The following WDHD1 variants were observed in gnomAD, a reference collection of about 807,000 sequenced individuals.
WDHD1 encodes WD repeat and HMG-box DNA binding protein 1, also known as WD repeat and HMG-box DNA-binding protein 1.
Under a neutral mutation model 135.4 loss-of-function variants are expected in WDHD1, and 111 were observed. That is an observed-to-expected ratio of 0.82 (90% CI 0.70 to 0.96). The LOEUF is 0.96. WDHD1 is among the 40% of genes least tolerant of loss of function. The pLI, the probability that WDHD1 is intolerant of heterozygous loss-of-function variation, is 0.00. For synonymous variants in WDHD1, 434 were observed against 439.0 expected (o/e 0.99, Z 0.14); for missense variants, 1,351 against 1,336.3 (o/e 1.01, Z -0.17).
chr14:55,013,677 G>A, intron 2 of WDHD1, 81 bp from the exon 3 acceptor site: 3 of 1,068,244 alleles, frequency 2.8e-6, no homozygotes, highest in South Asian at 2.5e-5. Context: ...AGTACAAGGT[G>A]GGAGGATTGC....
At position 54,981,632 on chromosome 14, in the gene WDHD1, C is replaced by T. The variant is rs923974610; in HGVS notation, c.1971G>A (p.Thr657=). 8 of 1,611,418 alleles carry T rather than the reference C, an allele frequency of 5.0e-6. No individual in the cohort carries two copies. Among genetic ancestry groups the T allele is most frequent in the Middle Eastern group, 1.7e-4 (1 of 6,056 alleles). Reference sequence around the variant, plus strand: ...CTCTTGTATTACATATAGGAGTCCACGTATTACCAAGTCCTCTGTTAAGCA... The same window carrying T: ...CTCTTGTATTACATATAGGAGTCCATGTATTACCAAGTCCTCTGTTAAGCA... ...VRMLNRGLGN[T]WTPICNTREH... is the part of the protein sequence containing the mutation. The change falls in exon 16 of 26, where the codon ACG becomes ACA. Residue 657 remains threonine, a synonymous_variant. Coordinates refer to ENST00000360586, the MANE Select transcript of WDHD1 (RefSeq NM_007086.4).
At chr14:54,969,804 A>G (rs1265710393) in intron 16 of WDHD1, among the ~76,000 whole-genome samples, 1 of 152,198 alleles carries the variant, frequency 6.6e-6, no homozygotes, top group African/African-American at 2.4e-5. Context: ...ATCCTCAACA[A>G]AACACTAGCA....
intron 23 of WDHD1, among the ~76,000 whole-genome samples, chr14:54,956,744 AAC>A (rs2041165326): frequency 1.3e-5 from 2 of 152,172 alleles, no homozygotes; most frequent in African/African-American, 4.8e-5. Flanking sequence ...TGAAACAAAA[AAC>A]ACAACTGTTT....
At chr14:54,991,112 A>T in intron 12 of WDHD1, 101 bp downstream of exon 12, 2 of 627,938 alleles carry the variant, frequency 3.2e-6, no homozygotes, top group African/African-American at 1.8e-5. Context: ...AGGCTACTTA[A>T]TCAAAGTTTT....
At chr14:54,967,919 C>T (rs1168174068) in intron 16 of WDHD1, among the ~76,000 whole-genome samples, 1 of 152,150 alleles carries the variant, frequency 6.6e-6, no homozygotes, top group African/African-American at 2.4e-5. Context: ...CCCTGCCCAA[C>T]CTCACATCTC....
chr14:55,022,047 G>A (rs532250022), intron 2 of WDHD1, among the ~76,000 whole-genome samples: 62 of 152,226 alleles, frequency 4.1e-4, no homozygotes, highest in Admixed American at 3.1e-3. Flanking sequence ...GGTTGAATTC[G>A]AGACATTGTG....
chr14:54,966,834 A>C (rs2041354177), intron 17 of WDHD1, among the ~76,000 whole-genome samples: 1 of 152,232 alleles, frequency 6.6e-6, no homozygotes, highest in Non-Finnish European at 1.5e-5. Flanking sequence ...ACAGTTTCCT[A>C]GCTATCATAA....
intron 21 of WDHD1, among the ~76,000 whole-genome samples, chr14:54,958,149 A>G (rs2041191629): frequency 6.7e-6 from 1 of 149,176 alleles, no homozygotes; most frequent in Non-Finnish European, 1.5e-5. Context: ...TTTTTGAGAC[A>G]GAGTCTCGCT....
Position 54,995,720 on chromosome 14 carries a change from T to A in WDHD1, c.1036A>T (p.Ile346Phe), listed in dbSNP as rs775309673. 6.2e-7 allele frequency: 1 copy of A among 1,613,678 alleles called. No homozygotes were observed. Among genetic ancestry groups the A allele is most frequent in the Non-Finnish European group, 8.5e-7 (1 of 1,179,852 alleles). Residue 346 changes from isoleucine to phenylalanine, a missense_variant, in exon 11 of 26, where the codon ATC (isoleucine) becomes TTC (phenylalanine). Physicochemically the swap from Ile to Phe is conservative, Grantham distance 21. Transcript: ENST00000360586. The part of the protein sequence containing the change: ...GDFLNDNAVE[I>F]PSFSKGIIND... ...ATAATCCCTTTTGAAAAAGAAGGGATCTCAACTGCATTGTCATTTAGAAAA... is the reference window on the plus strand; with the variant it reads ...ATAATCCCTTTTGAAAAAGAAGGGAACTCAACTGCATTGTCATTTAGAAAA...
intron 24 of WDHD1, among the ~76,000 whole-genome samples, chr14:54,948,131 A>G (rs2040964663): frequency 6.6e-6 from 1 of 152,104 alleles, no homozygotes; most frequent in Admixed American, 6.5e-5. Flanking sequence ...TGAGCGATGC[A>G]GAAGACGGGT....
intron 16 of WDHD1, among the ~76,000 whole-genome samples, chr14:54,970,682 T>G (rs529184592): frequency 6.7e-6 from 1 of 149,988 alleles, no homozygotes; most frequent in Non-Finnish European, 1.5e-5. Context: ...AAGCAATCTA[T>G]AGATTCAACA....
intron 23 of WDHD1, 81 bp from the exon 24 acceptor site, chr14:54,955,775 G>T: frequency 8.5e-7 from 1 of 1,178,390 alleles, no homozygotes. Context: ...AAAATGTGAA[G>T]AAACATCTAT....
chr14:55,008,673 T>C lies in WDHD1; in HGVS notation c.388A>G (p.Lys130Glu), dbSNP rs370665038. Residue 130 changes from lysine to glutamate, a missense_variant, in exon 5 of 26, where the codon AAA becomes GAA. Around this residue, in one of 2 missense-constraint regions of WDHD1, gnomAD observed 1,330 missense variants for 1,296.1 expected, o/e 1.03. Transcript: ENST00000360586. ...IVDVMDSSQQ[K>E]TFRGHDAPVL... Reference sequence around the variant, plus strand: ...GGGGCATCATGTCCTCGAAATGTTTTCTGTTGGCTGCTATCCATCACATCC... The same window carrying C: ...GGGGCATCATGTCCTCGAAATGTTTCCTGTTGGCTGCTATCCATCACATCC... The C allele has an allele frequency of 2.5e-6, 4 of 1,613,482 alleles. No homozygotes were observed. Among genetic ancestry groups the C allele is most frequent in the Non-Finnish European group, 2.5e-6 (3 of 1,179,908 alleles).
chr14:54,966,449 GT>G, intron 18 of WDHD1, 25 bp downstream of exon 18: 1 of 1,582,082 alleles, frequency 6.3e-7, no homozygotes, highest in Non-Finnish European at 8.5e-7. Flanking sequence ...TAACTTTAAC[GT>G]TTTCAGTATA....
chr14:54,986,696 T>A (rs67945588), intron 14 of WDHD1, among the ~76,000 whole-genome samples: 7,357 of 152,220 alleles, frequency 0.048, 265 homozygotes, highest in Non-Finnish European at 0.077. Flanking sequence ...ATTATTTTTT[T>A]AAAAAAGCAC....
Position 54,966,553 on chromosome 14 carries a change from T to C in WDHD1, c.2232A>G (p.Lys744=). 1 of 1,608,372 alleles carries C rather than the reference T, an allele frequency of 6.2e-7. No individual in the cohort carries two copies. The highest frequency in any genetic ancestry group is 8.5e-7 in the Non-Finnish European group (1 of 1,178,854). Residue 744 remains lysine (K), a synonymous_variant, in exon 18 of 26, where the codon AAA becomes AAG. Coordinates refer to ENST00000360586, the MANE Select transcript of WDHD1 (RefSeq NM_007086.4). ...TGCTCTCTTCATATTCATAACCATT[T>C]TTAGCTAAATAATCAAGGTGGTTGT... The part of the protein sequence containing the change: ...IFHNHLDYLA[K]NGYEYEESTK...
At chr14:55,026,988 A>G in intron 1 of WDHD1, 40 bp downstream of exon 1, 1 of 581,238 alleles carries the variant, frequency 1.7e-6, no homozygotes, top group Admixed American at 2.9e-5. Flanking sequence ...GGGAACACGC[A>G]TCTCCTTGGT....
In WDHD1 at chr14:55,008,859, G is replaced by C. The variant is rs1038258336; in HGVS notation, c.342-140C>G. ...TCTGTCACCCAGGCTGGAGTGCAGT[G>C]GTGCGATCTCAACTGCAACCTCCGC... is the stretch of plus-strand genomic sequence containing the variant. On this transcript the variant is annotated intron_variant, in intron 4 of 25. Transcript: ENST00000360586. The C allele has an allele frequency of 1.1e-5, 7 of 608,902 alleles. No homozygotes were observed. The Admixed American group carries it at 2.0e-4, about 18-fold the overall frequency. 37.7% of individuals were successfully genotyped at this position (608,902 alleles called of 1,614,324 possible). A position where few individuals can be genotyped will look rare whatever the true frequency, so the allele number is the denominator to read the frequency against.
rs987615604 is a variant in WDHD1 at position 54,939,167 on chromosome 14, A to C, written c.*2323T>G. On this transcript the variant is annotated 3_prime_UTR_variant, in exon 26 of 26. Transcript: ENST00000360586. The stretch of plus-strand genomic sequence containing the variant: ...ATTCAAGATGAAAACTTGGGGGAAA[A>C]TTATATATTCTGATAATAAAACAGA... 1 of 152,182 alleles carries C rather than the reference A, an allele frequency of 6.6e-6. No homozygotes were observed. The highest frequency in any genetic ancestry group is 6.6e-5 in the Admixed American group (1 of 15,262). 9.4% of individuals were successfully genotyped at this position (152,182 alleles called of 1,614,324 possible).
Sources: gnomAD v4.1 joint callset for allele counts (sites outside exome capture counted in the v4.1 genomes callset) on GRCh38, gnomAD v4.1.1 for gene constraint, gnomAD v4.1.1 regional missense constraint, MANE v1.5 for transcripts, NCBI Gene and HGNC (gene_info 2026-07-23, HGNC 2026-07-21) for gene names.